The following YPEL2 variants were observed in gnomAD, a reference collection of about 807,000 sequenced individuals.
YPEL2 encodes protein yippee-like 2.
YPEL2 carries 2 observed loss-of-function variants against 19.1 expected under a neutral mutation model. The observed-to-expected ratio is 0.10, with a 90% CI of 0.04 to 0.33. The LOEUF is 0.33. Ranked by LOEUF, YPEL2 falls within the 10% of genes least tolerant of loss-of-function variation. The pLI is 1.00. For missense variants in YPEL2, 66 were observed against 140.7 expected, an observed-to-expected ratio of 0.47 and a Z score of 2.68; for synonymous variants, 52 against 50.0, an observed-to-expected ratio of 1.04 and a Z score of -0.17.
At chr17:59,392,802 G>C (rs142760623) in intron 4 of YPEL2, among the ~76,000 whole-genome samples, 1 of 151,752 alleles carries the variant, frequency 6.6e-6, no homozygotes, top group Admixed American at 6.6e-5. Flanking sequence ...GTGAGCCACC[G>C]TGCCCGGCCC....
intron 4 of YPEL2, among the ~76,000 whole-genome samples, chr17:59,396,106 C>T (rs1004011909): frequency 6.6e-6 from 1 of 152,108 alleles, no homozygotes; most frequent in Non-Finnish European, 1.5e-5. Flanking sequence ...AAAATTAGAA[C>T]CAGGTTTTCT....
intron 4 of YPEL2, among the ~76,000 whole-genome samples, chr17:59,390,557 C>T (rs1028553049): frequency 4.6e-5 from 7 of 152,218 alleles, no homozygotes; most frequent in Non-Finnish European, 1.0e-4. Flanking sequence ...AATTAACATC[C>T]ACTGTCAGAT....
chr17:59,395,075 C>T (rs574552299), intron 4 of YPEL2, among the ~76,000 whole-genome samples: 3 of 152,288 alleles, frequency 2.0e-5, no homozygotes, highest in East Asian at 1.9e-4. Context: ...AGAGGGAGAC[C>T]GTGGGGAGAG....
chr17:59,366,499 G>A (rs1277053816), intron 2 of YPEL2, among the ~76,000 whole-genome samples: 1 of 152,184 alleles, frequency 6.6e-6, no homozygotes. Flanking sequence ...TTGTTTCCCT[G>A]ATGGTCCCTG....
intron 2 of YPEL2, among the ~76,000 whole-genome samples, chr17:59,384,656 A>T (rs1254357063): frequency 6.6e-6 from 1 of 152,196 alleles, no homozygotes; most frequent in African/African-American, 2.4e-5. Flanking sequence ...CTTATTTTTT[A>T]AAGATAAAAT....
chr17:59,335,840 G>A (rs529751032), intron 1 of YPEL2, among the ~76,000 whole-genome samples: 2 of 152,120 alleles, frequency 1.3e-5, no homozygotes, highest in East Asian at 1.9e-4. Flanking sequence ...ATAAGCCACC[G>A]TGCCTGGCTC....
At chr17:59,346,206 C>T (rs1307353710) in intron 1 of YPEL2, among the ~76,000 whole-genome samples, 1 of 152,240 alleles carries the variant, frequency 6.6e-6, no homozygotes, top group African/African-American at 2.4e-5. Flanking sequence ...TTAGTGCCTC[C>T]AGCCAGGGCT....
intron 2 of YPEL2, among the ~76,000 whole-genome samples, chr17:59,359,608 C>G (rs2047830068): frequency 6.6e-6 from 1 of 152,060 alleles, no homozygotes; most frequent in Non-Finnish European, 1.5e-5. Flanking sequence ...ATTTTTAGCC[C>G]TAATTTTGTT....
rs1269018611 is a variant in YPEL2 at position 59,397,726 on chromosome 17, TTCTC to T, written c.*540_*543del. The T allele has an allele frequency of 1.3e-5, 2 of 152,362 alleles. No homozygotes were observed. The highest frequency in any genetic ancestry group is 3.9e-4 in the East Asian group (2 of 5,180). 9.4% of individuals were successfully genotyped at this position (152,362 alleles called of 1,614,324 possible). On this transcript the variant is annotated 3_prime_UTR_variant, in exon 5 of 5. Coordinates refer to ENST00000312655, the MANE Select transcript of YPEL2 (RefSeq NM_001005404.4). ...AAAAAAAAAATACCTCATGACTGCA[TTCTC>T]TCTGACTAGAAGCTTCTGTTCCTGA...
At chr17:59,360,739 GT>G (rs1415347646) in intron 2 of YPEL2, among the ~76,000 whole-genome samples, 1 of 23,226 alleles carries the variant, frequency 4.3e-5, no homozygotes, top group East Asian at 2.8e-3. Flanking sequence ...TTTGGGGCTC[GT>G]GTAAAGTATA....
At chr17:59,379,749 CTT>C (rs895712780) in intron 2 of YPEL2, among the ~76,000 whole-genome samples, 2 of 152,048 alleles carry the variant, frequency 1.3e-5, no homozygotes, top group African/African-American at 4.8e-5. Context: ...ATCTCACACT[CTT>C]TTGTAATGTG....
chr17:59,338,181 C>T lies in YPEL2; in HGVS notation c.-196+6357C>T, dbSNP rs2047709065. On this transcript the variant is annotated intron_variant, in intron 1 of 4. Coordinates refer to ENST00000312655, the MANE Select transcript of YPEL2 (RefSeq NM_001005404.4). ...CTTTGATTCGAAACTGGATTGCTGG[C>T]TCCATGTGAGCTTACCCTCCAGTGT... Among the ~76,000 whole-genome samples the T allele has an allele frequency of 2.0e-5, 3 of 152,254 alleles. No homozygotes were observed. The South Asian group carries it at 6.2e-4, about 32-fold the overall frequency.
intron 1 of YPEL2, among the ~76,000 whole-genome samples, chr17:59,348,470 G>A (rs1178989670): frequency 6.6e-6 from 1 of 152,222 alleles, no homozygotes; most frequent in Non-Finnish European, 1.5e-5. Flanking sequence ...TTTGGGGAAG[G>A]CCTGTTGGCC....
Position 59,398,267 on chromosome 17 carries a change from C to CCA in YPEL2, c.*1077_*1078insCA. 6.6e-6 allele frequency: 1 copy of CCA among 152,242 alleles called. No homozygotes were observed. The highest frequency in any genetic ancestry group is 2.1e-4 in the South Asian group (1 of 4,824). 9.4% of individuals were successfully genotyped at this position (152,242 alleles called of 1,614,324 possible). On this transcript the variant is annotated 3_prime_UTR_variant, in exon 5 of 5. Coordinates refer to ENST00000312655, the MANE Select transcript of YPEL2 (RefSeq NM_001005404.4). ...AGTTCAGGTTCGGTGCATCTTTCCT[C>CCA]TTCGGTTTTACAGTGGCTTCCGTGG...
Position 59,397,267 on chromosome 17 carries a change from A to G in YPEL2, c.*77A>G, listed in dbSNP as rs1169161466. The G allele has an allele frequency of 8.3e-7, 1 of 1,199,034 alleles. No homozygotes were observed. The highest frequency in any genetic ancestry group is 2.7e-5 in the East Asian group (1 of 36,748). 74.3% of individuals were successfully genotyped at this position (1,199,034 alleles called of 1,614,324 possible). A position where few individuals can be genotyped will look rare whatever the true frequency, so the allele number is the denominator to read the frequency against. ...CATTCTTCCCAAGCGTGAGAGAGTG[A>G]CTGACACTTGGTTCCATCCATTTAG... is the stretch of plus-strand genomic sequence containing the variant. On this transcript the variant is annotated 3_prime_UTR_variant, in exon 5 of 5. Transcript: ENST00000312655.
intron 2 of YPEL2, among the ~76,000 whole-genome samples, chr17:59,387,590 C>T (rs1487134676): frequency 6.6e-6 from 1 of 152,160 alleles, no homozygotes; most frequent in East Asian, 1.9e-4. Flanking sequence ...TTAATGGAAG[C>T]AGACGCCAGA....
chr17:59,388,462 G>A, intron 3 of YPEL2, 92 bp downstream of exon 3: 2 of 1,260,880 alleles, frequency 1.6e-6, no homozygotes, highest in South Asian at 2.4e-5. Flanking sequence ...AATGAACCCT[G>A]CCCTGTCTGC....
At chr17:59,385,790 G>A (rs1340864123) in intron 2 of YPEL2, among the ~76,000 whole-genome samples, 2 of 152,040 alleles carry the variant, frequency 1.3e-5, no homozygotes, top group Non-Finnish European at 2.9e-5. Flanking sequence ...AATATACACC[G>A]TTTATTATGT....
At chr17:59,371,080 G>A (rs72831272) in intron 2 of YPEL2, among the ~76,000 whole-genome samples, 2,590 of 152,248 alleles carry the variant, frequency 0.017, 51 homozygotes, top group Non-Finnish European at 0.026. Context: ...CTGTCTAGTC[G>A]GTCCCTTCCT....
Sources: allele counts gnomAD v4.1 joint callset (sites outside exome capture counted in the v4.1 genomes callset), GRCh38; gene constraint gnomAD v4.1.1; transcripts MANE v1.5; gene names NCBI Gene and HGNC (gene_info 2026-07-23, HGNC 2026-07-21).